SYTL5: variants seen among roughly 807,000 people sequenced by gnomAD.
SYTL5 encodes synaptotagmin like 5.
SYTL5 carries 34 observed loss-of-function variants against 55.9 expected under a neutral mutation model. The ratio of observed to expected loss-of-function variants is 0.61; its 90% CI spans 0.46 to 0.81. The LOEUF is 0.81. SYTL5 is among the 30% of genes least tolerant of loss of function. The pLI is 0.00. For synonymous variants in SYTL5, 221 were observed against 188.7 expected, an observed-to-expected ratio of 1.17 and a Z score of -1.40; for missense variants, 637 against 546.7, an observed-to-expected ratio of 1.17 and a Z score of -1.65.
intron 1 of SYTL5, chrX:38,023,817 C>A (rs1054611470): frequency 3.6e-5 from 4 of 110,151 alleles, no homozygotes; most frequent in Non-Finnish European, 7.6e-5. Context: ...TTCTCTTAGC[C>A]AGCATTTTTA....
the SYTL5 span, among the ~76,000 whole-genome samples, chrX:37,904,967 G>C: frequency 9.0e-6 from 1 of 110,720 alleles, no homozygotes; most frequent in Non-Finnish European, 1.9e-5. Context: ...CAGGACTGAG[G>C]GCTCATCACC....
chrX:37,891,800 C>G, the SYTL5 span, among the ~76,000 whole-genome samples: 4 of 111,278 alleles, frequency 3.6e-5, no homozygotes, highest in African/African-American at 1.3e-4. Context: ...CTGTAGGCCT[C>G]TTGGCAATGC....
the SYTL5 span, among the ~76,000 whole-genome samples, chrX:37,922,113 T>A: frequency 8.9e-6 from 1 of 112,291 alleles, no homozygotes; most frequent in South Asian, 3.7e-4. Context: ...CTCTCCCTAC[T>A]ACTTCATCAC....
At chrX:37,916,011 A>G in the SYTL5 span, among the ~76,000 whole-genome samples, 1 of 111,288 alleles carries the variant, frequency 9.0e-6, no homozygotes, top group African/African-American at 3.3e-5. Context: ...AATAATAATA[A>G]TAGCTACCAT....
the SYTL5 span, among the ~76,000 whole-genome samples, chrX:37,957,077 G>A: frequency 9.0e-6 from 1 of 110,745 alleles, no homozygotes. Context: ...ATGGCCATTC[G>A]TATGTCTTGT....
At chrX:37,903,251 G>A in the SYTL5 span, among the ~76,000 whole-genome samples, 9 of 109,230 alleles carry the variant, frequency 8.2e-5, no homozygotes, top group South Asian at 3.6e-3. Flanking sequence ...ACATGCACAT[G>A]TATGTTTATT....
Position 38,102,437 on chromosome X carries a change from A to G in SYTL5, c.1155+3A>G. On this transcript the variant is annotated splice_donor_region_variant and intron_variant, in intron 10 of 16. Transcript: ENST00000297875. ...GTCTGGCAAGTGGCCTATCAACTGT[A>G]AGCAGTTCACTAGGACATGTGGAAA... 8.6e-7 allele frequency: 1 copy of G among 1,168,876 alleles called. No individual in the cohort carries two copies. The highest frequency in any genetic ancestry group is 1.2e-6 in the Non-Finnish European group (1 of 857,408).
the SYTL5 span, among the ~76,000 whole-genome samples, chrX:37,903,541 G>A: frequency 1.2e-5 from 1 of 84,484 alleles, no homozygotes; most frequent in African/African-American, 4.5e-5. Flanking sequence ...CACACACTGG[G>A]GCCTGTTGTG....
chrX:38,031,890 C>T (rs1422502279), intron 1 of SYTL5, among the ~76,000 whole-genome samples: 2 of 112,235 alleles, frequency 1.8e-5, no homozygotes, highest in African/African-American at 6.5e-5. Context: ...GGAGGGAAGA[C>T]CTGGAGTAAA....
the SYTL5 span, among the ~76,000 whole-genome samples, chrX:37,955,694 A>G: frequency 1.8e-5 from 2 of 111,828 alleles, no homozygotes; most frequent in Admixed American, 1.9e-4. Context: ...AATTAAATTT[A>G]TGATTATCTT....
chrX:37,995,114 C>A, the SYTL5 span, among the ~76,000 whole-genome samples: 7 of 110,076 alleles, frequency 6.4e-5, no homozygotes, highest in African/African-American at 2.3e-4. Flanking sequence ...ATAAAGACGC[C>A]GAGACTTCCT....
chrX:37,891,175 C>T, the SYTL5 span, among the ~76,000 whole-genome samples: 49 of 111,977 alleles, frequency 4.4e-4, 1 homozygote, highest in South Asian at 0.018. Context: ...AAAGCTGATA[C>T]ATGAATGTTC....
intron 2 of SYTL5, among the ~76,000 whole-genome samples, chrX:38,034,592 G>GT (rs1320947972): frequency 2.7e-5 from 3 of 112,179 alleles, no homozygotes; most frequent in Non-Finnish European, 3.8e-5. Context: ...GAAACCACTT[G>GT]AATTTTTAAA....
the SYTL5 span, among the ~76,000 whole-genome samples, chrX:37,898,329 A>G: frequency 9.0e-6 from 1 of 111,716 alleles, no homozygotes; most frequent in Non-Finnish European, 1.9e-5. Context: ...GTGGGGGGAC[A>G]CAAACATTCA....
intron 6 of SYTL5, among the ~76,000 whole-genome samples, chrX:38,079,378 T>A (rs916775016): frequency 8.9e-6 from 1 of 112,125 alleles, no homozygotes; most frequent in Admixed American, 9.5e-5. Flanking sequence ...ATGAATAGAT[T>A]AAAGAAGCCC....
At chrX:37,946,057 G>T in the SYTL5 span, 1 of 120,383 alleles carries the variant, frequency 8.3e-6, no homozygotes, top group Non-Finnish European at 1.9e-5. Context: ...TATTGTTCAT[G>T]AAAACTTTTA....
At chrX:38,124,177 G>T (rs1484469804) in intron 15 of SYTL5, among the ~76,000 whole-genome samples, 1 of 111,489 alleles carries the variant, frequency 9.0e-6, no homozygotes, top group Non-Finnish European at 1.9e-5. Flanking sequence ...GTAAGAAGTA[G>T]TTTTATCAGC....
At chrX:38,036,063 T>C (rs1047831695) in intron 2 of SYTL5, among the ~76,000 whole-genome samples, 1 of 111,071 alleles carries the variant, frequency 9.0e-6, no homozygotes, top group Non-Finnish European at 1.9e-5. Context: ...CCCAGCACTT[T>C]GGGAGGCTGA....
chrX:37,897,824 A>G, the SYTL5 span, among the ~76,000 whole-genome samples: 3 of 111,808 alleles, frequency 2.7e-5, no homozygotes. Context: ...GAGGCCGGGC[A>G]CGGTGGCTCA....
Sources: allele counts gnomAD v4.1 joint callset (sites outside exome capture counted in the v4.1 genomes callset), GRCh38; gene constraint gnomAD v4.1.1; transcripts MANE v1.5; gene names NCBI Gene and HGNC (gene_info 2026-07-23, HGNC 2026-07-21).